COL2A1: variants seen among roughly 807,000 people sequenced by gnomAD.
COL2A1 encodes collagen alpha-1(II) chain.
COL2A1 carries 28 observed loss-of-function variants against 204.5 expected under a neutral mutation model. The observed-to-expected ratio is 0.14, with a 90% CI of 0.10 to 0.19. COL2A1 has a LOEUF of 0.19. COL2A1 is among the 10% of genes least tolerant of loss of function. The probability of loss-of-function intolerance (pLI) is 1.00; values close to 1 mark genes in which losing one functional copy is unlikely to be tolerated. For synonymous variants in COL2A1, 708 were observed against 718.7 expected (o/e 0.99, Z 0.24); for missense variants, 1,388 against 2,027.5 (o/e 0.68, Z 6.06).
rs1254524413 is a variant in COL2A1 at position 47,976,122 on chromosome 12, G to T, written c.3490-52C>A. On this transcript the variant is annotated intron_variant, in intron 49 of 53. Transcript: ENST00000380518. The surrounding 1 kb of genome is among the most constrained non-coding windows in gnomAD (Gnocchi z 4.3). The stretch of plus-strand genomic sequence containing the variant: ...AGAGTGGTCACCACAGGGAAGGCTG[G>T]GGAGTCGCTGGGGCTGGGTAGGTGG... 1 of 1,320,728 alleles carries T rather than the reference G, an allele frequency of 7.6e-7. No homozygotes were observed. The highest frequency in any genetic ancestry group is 1.2e-5 in the South Asian group (1 of 85,260). 81.8% of individuals were successfully genotyped at this position (1,320,728 alleles called of 1,614,324 possible). A position where few individuals can be genotyped will look rare whatever the true frequency, so the allele number is the denominator to read the frequency against.
In COL2A1 at chr12:47,997,900, T is replaced by C; in HGVS notation, c.400A>G (p.Arg134Gly). 6.2e-7 allele frequency: 1 copy of C among 1,614,134 alleles called. No individual in the cohort carries two copies. The highest frequency in any genetic ancestry group is 8.5e-7 in the Non-Finnish European group (1 of 1,180,050). The change falls in exon 6 of 54, where the codon AGA (arginine) becomes GGA (glycine). Residue 134 changes from arginine to glycine, a missense_variant. Transcript: ENST00000380518. ...PQGPAGEQGP[R>G]GDRGDKGEKG... ...TCACCTTTGTCACCACGATCCCCTC[T>C]GGGTCCTTGTTCCCCTGCAGGTCCC...
rs1169999705 is a variant in COL2A1, at chr12:47,975,433, G to C, written c.3770C>G (p.Ala1257Gly). 1.2e-6 allele frequency: 2 copies of C among 1,614,150 alleles called. No homozygotes were observed. The highest frequency in any genetic ancestry group is 2.2e-5 in the South Asian group (2 of 91,086). The change falls in exon 51 of 54, where the codon GCC becomes GGC. Residue 1257 changes from alanine to glycine, a missense_variant. This residue lies in a region of COL2A1 where 303 missense variants were observed against 369.2 expected (regional missense o/e 0.82). Coordinates refer to ENST00000380518, the MANE Select transcript of COL2A1 (RefSeq NM_001844.5). ...CTGGTTGTTGAGGGACTTGAGTGTG[G>C]CATCCACCTCGGCGTCATGCTGTCT... ...GLRQHDAEVD[A>G]TLKSLNNQIE...
intron 2 of COL2A1, chr12:47,998,661 CA>C (rs35267749): frequency 1.8e-6 from 1 of 551,898 alleles, no homozygotes; most frequent in Non-Finnish European, 3.2e-6. Flanking sequence ...CTTTGTTATT[CA>C]AAAAGCAGGC....
At chr12:47,995,435 A>G in intron 10 of COL2A1, 127 bp from the exon 11 acceptor site, 2 of 909,704 alleles carry the variant, frequency 2.2e-6, no homozygotes, top group Non-Finnish European at 3.7e-6. Context: ...GGAAGGTCAG[A>G]GCAAAGGTGC....
chr12:47,993,486 G>A lies in COL2A1; in HGVS notation c.941C>T (p.Pro314Leu), dbSNP rs778135776. 4.2e-5 allele frequency: 68 copies of A among 1,613,556 alleles called. No individual in the cohort carries two copies. Among genetic ancestry groups the A allele is most frequent in the Non-Finnish European group, 5.5e-5 (65 of 1,179,616 alleles). The change falls in exon 15 of 54, where the codon CCG becomes CTG. Residue 314 changes from proline (P) to leucine (L), a missense_variant. Pro to Leu is a moderately conservative substitution (Grantham distance 98). This residue lies in a region of COL2A1 where 884 missense variants were observed against 1,415.8 expected (regional missense o/e 0.62). Transcript: ENST00000380518. Reference protein sequence around the residue: ...APGVKGESGSPGENGSPGPMG... With the variant: ...APGVKGESGSLGENGSPGPMG... ...TGGGCCCGGAGATCCGTTCTCACCC[G>A]GGGAACCACTCTCACCCTGGAAAAA...
rs368779265 is a variant in COL2A1, at chr12:47,980,617, G to T, written c.2562C>A (p.Ala854=). 1.2e-6 allele frequency: 2 copies of T among 1,612,866 alleles called. No homozygotes were observed. Among genetic ancestry groups the T allele is most frequent in the Non-Finnish European group, 1.7e-6 (2 of 1,179,648 alleles). The stretch of plus-strand genomic sequence containing the variant: ...GGGCACCAGCATCGCCTTTCTGGCC[G>T]GCCTCTCCTTGCTCACCCTTGGCCC... The part of the protein sequence containing the change: ...QPGAKGEQGE[A]GQKGDAGAPG... Residue 854 remains alanine, a synonymous_variant, in exon 39 of 54, where the codon GCC becomes GCA. Coordinates refer to ENST00000380518, the MANE Select transcript of COL2A1 (RefSeq NM_001844.5). This position sits in a 1 kb window ranked among gnomAD's most constrained non-coding sequence, Gnocchi z 4.5.
chr12:47,974,554 T>C (rs1010854971), intron 52 of COL2A1, 121 bp downstream of exon 52: 1 of 1,325,690 alleles, frequency 7.5e-7, no homozygotes, highest in Non-Finnish European at 1.1e-6. Context: ...TTCCCTCCTC[T>C]CAAGCCCAAC....
intron 40 of COL2A1, among the ~76,000 whole-genome samples, 193 bp downstream of exon 40, chr12:47,979,816 G>C (rs1355752739): frequency 6.6e-6 from 1 of 152,190 alleles, no homozygotes; most frequent in African/African-American, 2.4e-5. Flanking sequence ...CCTCGGGCTG[G>C]GGAATCCGGG....
intron 36 of COL2A1, 98 bp downstream of exon 36, chr12:47,981,678 G>A (rs1286425210): frequency 7.4e-6 from 10 of 1,343,212 alleles, no homozygotes; most frequent in East Asian, 2.5e-5. Flanking sequence ...GAGGGTGACA[G>A]TGGTGAGGGA....
At position 47,994,009 on chromosome 12, in the gene COL2A1, A is replaced by G. The variant is rs76302847; in HGVS notation, c.855T>C (p.Gly285=). The part of the protein sequence containing the change: ...RGFPGTPGLP[G]VKGHRGYPGL... The stretch of plus-strand genomic sequence containing the variant: ...TGATACTTACTCTGTGACCTTTGAC[A>G]CCAGGAAGGCCTGGGGTTCCTGGGA... Residue 285 remains glycine, a synonymous_variant, in exon 13 of 54, where the codon GGT becomes GGC. Transcript: ENST00000380518. 1.9e-6 allele frequency: 3 copies of G among 1,613,990 alleles called. No homozygotes were observed. The East Asian group carries it at 6.7e-5, about 36-fold the overall frequency.
intron 52 of COL2A1, 116 bp downstream of exon 52, chr12:47,974,559 C>G: frequency 7.5e-7 from 1 of 1,341,250 alleles, no homozygotes; most frequent in Non-Finnish European, 1.1e-6. Context: ...TCCTCTCAAG[C>G]CCAACAGAAA....
At chr12:47,997,204 T>C (rs1044582927) in intron 7 of COL2A1, among the ~76,000 whole-genome samples, 5 of 152,030 alleles carry the variant, frequency 3.3e-5, no homozygotes, top group Non-Finnish European at 7.4e-5. Flanking sequence ...TTCATGAGAG[T>C]GAATAGTTGC....
chr12:47,982,385 A>G, intron 34 of COL2A1, 117 bp downstream of exon 34: 2 of 933,818 alleles, frequency 2.1e-6, no homozygotes, highest in Admixed American at 1.9e-5. Flanking sequence ...AAGCTCCTCA[A>G]AAAGGGCTAA....
chr12:47,999,785 T>C (rs147603697), intron 2 of COL2A1, 134 bp downstream of exon 2: 10 of 764,694 alleles, frequency 1.3e-5, no homozygotes, highest in Admixed American at 4.2e-5. Context: ...GGCCTTTCCT[T>C]TCTACCCCAG....
rs775722051 is a variant in COL2A1 at position 47,975,429 on chromosome 12, T to G, written c.3774A>C (p.Thr1258=). The G allele has an allele frequency of 6.2e-7, 1 of 1,614,066 alleles. No homozygotes were observed. Among genetic ancestry groups the G allele is most frequent in the Admixed American group, 1.7e-5 (1 of 60,020 alleles). The change falls in exon 51 of 54, where the codon ACA becomes ACC. Residue 1258 remains threonine (T), a synonymous_variant. Transcript: ENST00000380518. ...LRQHDAEVDA[T]LKSLNNQIES... ...CAATCTGGTTGTTGAGGGACTTGAG[T>G]GTGGCATCCACCTCGGCGTCATGCT...
chr12:47,978,532 G>A lies in COL2A1; in HGVS notation c.2895+65C>T. 6.2e-7 allele frequency: 1 copy of A among 1,605,452 alleles called. No homozygotes were observed. Among genetic ancestry groups the A allele is most frequent in the Non-Finnish European group, 8.5e-7 (1 of 1,174,882 alleles). ...TGCTCCCTCCTACCCCATGCTCTGT[G>A]AGCTCAGAAGCCACTCACGACCCTG... On this transcript the variant is annotated intron_variant, in intron 42 of 53. Coordinates refer to ENST00000380518, the MANE Select transcript of COL2A1 (RefSeq NM_001844.5). The surrounding 1 kb of genome is among the most constrained non-coding windows in gnomAD (Gnocchi z 5.5).
At chr12:47,975,013 G>T in intron 51 of COL2A1, 151 bp from the exon 52 acceptor site, 2 of 831,464 alleles carry the variant, frequency 2.4e-6, no homozygotes, top group African/African-American at 1.7e-5. Context: ...GACCTGGGAG[G>T]ATGCAGGGGC....
intron 10 of COL2A1, among the ~76,000 whole-genome samples, 158 bp downstream of exon 10, chr12:47,995,552 G>A (rs1939917091): frequency 6.6e-6 from 1 of 152,174 alleles, no homozygotes. Flanking sequence ...CTGTCTGTCA[G>A]AGTTCCTCCA....
Position 47,986,327 on chromosome 12 carries a change from T to G in COL2A1, c.1527+9A>C. The G allele has an allele frequency of 6.5e-7, 1 of 1,531,492 alleles. No homozygotes were observed. Among genetic ancestry groups the G allele is most frequent in the Non-Finnish European group, 8.9e-7 (1 of 1,126,866 alleles). 94.9% of individuals were successfully genotyped at this position (1,531,492 alleles called of 1,614,324 possible). ...GCCCCATGGGATGGAGCCTCCACAT[T>G]CACTTAACTCTTTCTCCAGGGGGAC... On this transcript the variant is annotated intron_variant, in intron 23 of 53. Coordinates refer to ENST00000380518, the MANE Select transcript of COL2A1 (RefSeq NM_001844.5).
Sources: allele counts gnomAD v4.1 joint callset (sites outside exome capture counted in the v4.1 genomes callset), GRCh38; gene constraint gnomAD v4.1.1; regional missense constraint gnomAD v4.1.1; non-coding constraint Gnocchi (gnomAD v3.1); transcripts MANE v1.5; gene names NCBI Gene and HGNC (gene_info 2026-07-23, HGNC 2026-07-21).